The following RIC3 variants were observed in gnomAD, a reference collection of about 807,000 sequenced individuals.
The protein encoded by RIC3 is protein RIC-3.
Under a neutral mutation model 27.3 loss-of-function variants are expected in RIC3, and 28 were observed. The observed-to-expected ratio is 1.02, with a 90% CI of 0.76 to 1.41. The LOEUF (loss-of-function observed/expected upper bound fraction) is 1.41, where lower values mean the gene tolerates loss of function less well. RIC3 is among the 40% of genes most tolerant of loss of function. RIC3 has a pLI of 0.00. For missense variants in RIC3, 501 were observed against 444.7 expected (o/e 1.13, Z -1.14); for synonymous variants, 184 against 160.4 (o/e 1.15, Z -1.11).
In RIC3 at chr11:8,131,107, T is replaced by TTCACTCACTCAC. The variant is rs3060959; in HGVS notation, c.522-4312_522-4301dup. 4.9e-4 allele frequency among the ~76,000 whole-genome samples: 73 copies of TTCACTCACTCAC among 149,532 alleles called. 2 individuals are homozygous for TTCACTCACTCAC. The highest frequency in any genetic ancestry group is 3.4e-3 in the Middle Eastern group (1 of 292). ...TGTATCAAAAATAGGCATTCATTCA[T>TTCACTCACTCAC]TCACTCACTCACTCACTCACTCACT... On this transcript the variant is annotated intron_variant, in intron 4 of 5. Coordinates refer to ENST00000309737, the MANE Select transcript of RIC3 (RefSeq NM_001206671.4).
At position 8,111,136 on chromosome 11, in the gene RIC3, A is replaced by G. The variant is rs748707114; in HGVS notation, c.672T>C (p.Gly224=). Residue 224 remains glycine (G), a splice_region_variant and synonymous_variant, in exon 6 of 6, where the codon GGT becomes GGC. Transcript: ENST00000309737. The stretch of plus-strand genomic sequence containing the variant: ...AAATTGGGTAAGTCTCTTCAGGGTA[A>G]CCTAGAGAGAAAAGTAGCACAAAGT... ...EEAPYMEDWE[G]YPEETYPIYD... is the part of the protein sequence containing the mutation. 6.3e-7 allele frequency: 1 copy of G among 1,579,188 alleles called. No individual in the cohort carries two copies. The highest frequency in any genetic ancestry group is 2.3e-5 in the East Asian group (1 of 44,336).
chr11:8,117,875 A>T, intron 5 of RIC3, among the ~76,000 whole-genome samples: 1 of 152,108 alleles, frequency 6.6e-6, no homozygotes, highest in East Asian at 1.9e-4. Context: ...ATCAAATAAT[A>T]ACTCATAAAA....
rs747142587 is a variant in RIC3 at position 8,111,036 on chromosome 11, C to A, written c.772G>T (p.Ala258Ser). ...VDYPDPKELS[A>S]EEIAERMGMI... ...CCCATTCTTTCAGCTATTTCTTCAG[C>A]AGAAAGTTCTTTTGGGTCAGGGTAA... Residue 258 changes from alanine to serine, a missense_variant, in exon 6 of 6, where the codon GCT (alanine) becomes TCT (serine). By Grantham distance (99) the Ala-to-Ser change is moderately conservative. Coordinates refer to ENST00000309737, the MANE Select transcript of RIC3 (RefSeq NM_001206671.4). 2.5e-6 allele frequency: 4 copies of A among 1,614,178 alleles called. No homozygotes were observed.
the RIC3 span, among the ~76,000 whole-genome samples, chr11:8,096,521 G>A: frequency 2.0e-5 from 3 of 152,218 alleles, no homozygotes; most frequent in Non-Finnish European, 2.9e-5. Context: ...GGGAATATAT[G>A]TGTGAATGGG....
chr11:8,153,987 T>C (rs1349011164), intron 1 of RIC3, among the ~76,000 whole-genome samples: 3 of 152,172 alleles, frequency 2.0e-5, no homozygotes, highest in African/African-American at 2.4e-5. Flanking sequence ...CCTCTACAGG[T>C]AGCAACCTCA....
At chr11:8,101,539 G>A, downstream of RIC3, 1 of 1,614,236 alleles carries the variant, frequency 6.2e-7, no homozygotes, top group Non-Finnish European at 8.5e-7. Flanking sequence ...GTTCACCATG[G>A]ATTACAACTA....
chr11:8,149,572 C>T (rs2049684), intron 1 of RIC3, among the ~76,000 whole-genome samples: 76,623 of 151,946 alleles, frequency 0.5, 22,013 homozygotes, highest in African/African-American at 0.79. Context: ...AAGGCTATTA[C>T]AGTAACTTAG....
chr11:8,168,930 C>G lies in RIC3; in HGVS notation c.60G>C (p.Ser20=). 6.2e-7 allele frequency: 1 copy of G among 1,611,346 alleles called. No homozygotes were observed. The highest frequency in any genetic ancestry group is 1.1e-5 in the South Asian group (1 of 90,902). ...ALASGLVLAL[S]LLLPKAFLSR... Reference sequence around the variant, plus strand: ...ACAGGAAGGCCTTGGGCAGCAGCAGCGACAGAGCCAGGACAAGCCCAGAAG... The same window carrying G: ...ACAGGAAGGCCTTGGGCAGCAGCAGGGACAGAGCCAGGACAAGCCCAGAAG... Residue 20 remains serine (S), a synonymous_variant, in exon 1 of 6, where the codon TCG becomes TCC. Transcript: ENST00000309737.
chr11:8,153,667 A>G (rs1317150511), intron 1 of RIC3, among the ~76,000 whole-genome samples: 1 of 152,126 alleles, frequency 6.6e-6, no homozygotes, highest in Non-Finnish European at 1.5e-5. Flanking sequence ...TCATTTATTC[A>G]AGGAATACAC....
At chr11:8,098,920 A>G in the RIC3 span, 2 of 1,424,102 alleles carry the variant, frequency 1.4e-6, no homozygotes, top group African/African-American at 1.4e-5. Context: ...GGTAGATATG[A>G]AATCCAGGAC....
rs117351000 is a variant in RIC3 at position 8,113,173 on chromosome 11, T to C, written c.671-2036A>G. Among the ~76,000 whole-genome samples, 370 of 152,374 alleles carry C rather than the reference T, an allele frequency of 2.4e-3. 1 individual carries two copies. The highest frequency in any genetic ancestry group is 2.0e-3 in the Non-Finnish European group (136 of 68,034). ...AGCCACCATGGTCAAGGATAGGATC[T>C]GGAGAAGCTGCTTGCTAGTCAGCTC... On this transcript the variant is annotated intron_variant, in intron 5 of 5. Coordinates refer to ENST00000309737, the MANE Select transcript of RIC3 (RefSeq NM_001206671.4).
chr11:8,125,505 C>A (rs112463893), intron 5 of RIC3, among the ~76,000 whole-genome samples: 3,607 of 152,212 alleles, frequency 0.024, 62 homozygotes, highest in South Asian at 0.048. Flanking sequence ...CAAAGATATG[C>A]AGATGGCAAA....
chr11:8,142,030 T>G (rs958462160), intron 1 of RIC3, among the ~76,000 whole-genome samples: 9 of 149,880 alleles, frequency 6.0e-5, no homozygotes, highest in Non-Finnish European at 1.0e-4. Context: ...CAAAGCAGTG[T>G]GTAGAGGGAA....
intron 5 of RIC3, among the ~76,000 whole-genome samples, chr11:8,126,139 CAT>C (rs1486791318): frequency 6.6e-6 from 1 of 152,162 alleles, no homozygotes; most frequent in East Asian, 1.9e-4. Context: ...AACAAAGACT[CAT>C]ATGCAAAAGT....
At chr11:8,130,118 G>A (rs187516830) in intron 4 of RIC3, among the ~76,000 whole-genome samples, 74 of 151,886 alleles carry the variant, frequency 4.9e-4, no homozygotes, top group African/African-American at 1.7e-3. Flanking sequence ...TTTTCTTTTG[G>A]GGAACCAACT....
intron 1 of RIC3, among the ~76,000 whole-genome samples, chr11:8,141,877 C>T (rs566608590): frequency 1.4e-4 from 21 of 152,042 alleles, no homozygotes; most frequent in African/African-American, 5.1e-4. Flanking sequence ...GAATCTCACT[C>T]AAAACCGCTC....
intron 2 of RIC3, 41 bp downstream of exon 2, chr11:8,139,926 G>T: frequency 6.6e-7 from 1 of 1,520,092 alleles, no homozygotes; most frequent in Non-Finnish European, 9.0e-7. Context: ...TGCCATATTA[G>T]ATTTTCATTG....
chr11:8,098,860 G>A, the RIC3 span: 1 of 1,613,876 alleles, frequency 6.2e-7, no homozygotes, highest in East Asian at 2.2e-5. Context: ...GTCAGGAGCT[G>A]GCAGCTGTGT....
chr11:8,130,238 G>A (rs1458601123), intron 4 of RIC3, among the ~76,000 whole-genome samples: 2 of 151,782 alleles, frequency 1.3e-5, no homozygotes. Flanking sequence ...CCCCTTGACT[G>A]CAGGGATTGA....
Sources: allele counts gnomAD v4.1 joint callset (sites outside exome capture counted in the v4.1 genomes callset), GRCh38; gene constraint gnomAD v4.1.1; transcripts MANE v1.5; gene names NCBI Gene and HGNC (gene_info 2026-07-23, HGNC 2026-07-21).